ADGRL2: variants seen among roughly 807,000 people sequenced by gnomAD.
ADGRL2 encodes the protein calcium-independent alpha-latrotoxin receptor 2.
In ADGRL2, 44 loss-of-function variants were observed where a neutral mutation model predicts 157.4. The ratio of observed to expected loss-of-function variants is 0.28; its 90% CI spans 0.22 to 0.36. The LOEUF is 0.36. ADGRL2 is among the 10% of genes least tolerant of loss of function. The probability of loss-of-function intolerance (pLI) is 1.00; values close to 1 mark genes in which losing one functional copy is unlikely to be tolerated. For synonymous variants in ADGRL2, 585 were observed against 624.7 expected, an observed-to-expected ratio of 0.94 and a Z score of 0.95; for missense variants, 1,510 against 1,768.9, an observed-to-expected ratio of 0.85 and a Z score of 2.63.
At chr1:81,370,296 G>T (rs1417283636) in intron 1 of ADGRL2, among the ~76,000 whole-genome samples, 1 of 152,124 alleles carries the variant, frequency 6.6e-6, no homozygotes, top group Non-Finnish European at 1.5e-5. Flanking sequence ...GTAAAGAAAA[G>T]ATATAAAACT....
intron 2 of ADGRL2, among the ~76,000 whole-genome samples, chr1:81,903,465 A>G (rs1428764600): frequency 1.3e-5 from 2 of 152,022 alleles, no homozygotes; most frequent in Non-Finnish European, 2.9e-5. Flanking sequence ...AGCTCCCTGC[A>G]TGGGTTAGAA....
chr1:81,707,766 C>G (rs2083786460), intron 1 of ADGRL2, among the ~76,000 whole-genome samples: 1 of 152,076 alleles, frequency 6.6e-6, no homozygotes, highest in African/African-American at 2.4e-5. Context: ...TATTTTTGCC[C>G]TATTCGAATA....
intron 3 of ADGRL2, among the ~76,000 whole-genome samples, chr1:81,688,755 A>C (rs1345193950): frequency 6.6e-6 from 1 of 152,070 alleles, no homozygotes; most frequent in Non-Finnish European, 1.5e-5. Flanking sequence ...TTGTTTTGTC[A>C]TATTACCAGG....
intron 2 of ADGRL2, among the ~76,000 whole-genome samples, chr1:81,465,050 G>T (rs2078024532): frequency 6.6e-6 from 1 of 151,950 alleles, no homozygotes; most frequent in Non-Finnish European, 1.5e-5. Flanking sequence ...TGGTGGCATT[G>T]TCCAAGTGAT....
chr1:81,743,024 T>C (rs1250173166), intron 1 of ADGRL2, among the ~76,000 whole-genome samples: 3 of 152,040 alleles, frequency 2.0e-5, no homozygotes, highest in African/African-American at 7.2e-5. Context: ...TAGAGAATTT[T>C]TTTTTTAAGG....
At chr1:81,791,907 G>A (rs2087367407) in intron 2 of ADGRL2, among the ~76,000 whole-genome samples, 1 of 152,182 alleles carries the variant, frequency 6.6e-6, no homozygotes, top group Non-Finnish European at 1.5e-5. Context: ...TGAAGAAATA[G>A]TATATAGTTA....
intron 3 of ADGRL2, among the ~76,000 whole-genome samples, chr1:81,908,392 C>A (rs1180332508): frequency 6.6e-6 from 1 of 152,174 alleles, no homozygotes; most frequent in Non-Finnish European, 1.5e-5. Flanking sequence ...TAGTAATATG[C>A]TTTTACATTT....
At chr1:81,379,173 G>A (rs1356718738) in intron 1 of ADGRL2, among the ~76,000 whole-genome samples, 2 of 152,134 alleles carry the variant, frequency 1.3e-5, no homozygotes, top group Non-Finnish European at 2.9e-5. Flanking sequence ...ATTGAAATGG[G>A]AAATGTTCCC....
At chr1:81,660,455 T>C (rs1354466496) in intron 3 of ADGRL2, among the ~76,000 whole-genome samples, 2 of 152,130 alleles carry the variant, frequency 1.3e-5, no homozygotes, top group African/African-American at 4.8e-5. Flanking sequence ...ACCTTACCCT[T>C]ATTAGTGCTG....
chr1:81,390,467 C>A (rs1174064480), intron 1 of ADGRL2, among the ~76,000 whole-genome samples: 1 of 152,304 alleles, frequency 6.6e-6, no homozygotes, highest in Non-Finnish European at 1.5e-5. Flanking sequence ...AGATGTAATA[C>A]ATGTATAGAT....
chr1:81,956,880 C>G (rs1653662238), intron 11 of ADGRL2, among the ~76,000 whole-genome samples: 1 of 152,056 alleles, frequency 6.6e-6, no homozygotes, highest in African/African-American at 2.4e-5. Context: ...TGAAGACTTA[C>G]TATCTGGAAT....
intron 2 of ADGRL2, among the ~76,000 whole-genome samples, chr1:81,872,217 A>G (rs993815998): frequency 2.6e-5 from 4 of 152,060 alleles, no homozygotes; most frequent in Middle Eastern, 3.2e-3. Flanking sequence ...TGTTTTTGTC[A>G]GGTTTGTCAA....
At chr1:81,697,593 T>C (rs1376311047), upstream of ADGRL2, among the ~76,000 whole-genome samples, 1 of 152,212 alleles carries the variant, frequency 6.6e-6, no homozygotes, top group Non-Finnish European at 1.5e-5. Flanking sequence ...GCCGCTCAGA[T>C]GTCTTTTAAA....
chr1:81,367,612 C>A (rs11804023), intron 1 of ADGRL2, among the ~76,000 whole-genome samples: 4 of 151,896 alleles, frequency 2.6e-5, no homozygotes. Context: ...CAGGCTGGAG[C>A]GCAATGGCGT....
intron 2 of ADGRL2, among the ~76,000 whole-genome samples, chr1:81,903,714 A>ATT (rs2094529420): frequency 7.5e-6 from 1 of 133,654 alleles, no homozygotes; most frequent in African/African-American, 2.8e-5. Flanking sequence ...ATATATATTC[A>ATT]TTATATATAT....
At chr1:81,473,144 G>A (rs1295143749) in intron 2 of ADGRL2, among the ~76,000 whole-genome samples, 1 of 152,018 alleles carries the variant, frequency 6.6e-6, no homozygotes, top group Non-Finnish European at 1.5e-5. Flanking sequence ...GATGGAGAGT[G>A]GGTGGGAGGG....
intron 3 of ADGRL2, among the ~76,000 whole-genome samples, chr1:81,633,857 T>C (rs1030711532): frequency 3.3e-5 from 5 of 151,998 alleles, no homozygotes; most frequent in Admixed American, 1.3e-4. Flanking sequence ...AGGCTAAGGG[T>C]AAGGTCAACC....
chr1:81,914,216 T>A (rs964755701), intron 3 of ADGRL2, among the ~76,000 whole-genome samples: 2 of 152,184 alleles, frequency 1.3e-5, no homozygotes, highest in African/African-American at 4.8e-5. Flanking sequence ...AGAAGCTTTG[T>A]ATCCAAGTCA....
intron 1 of ADGRL2, among the ~76,000 whole-genome samples, chr1:81,404,046 T>G (rs1403625041): frequency 6.6e-6 from 1 of 152,140 alleles, no homozygotes; most frequent in Non-Finnish European, 1.5e-5. Flanking sequence ...TCCGTCCACC[T>G]CGGCCTCCCA....
Sources: gnomAD v4.1 joint callset for allele counts (sites outside exome capture counted in the v4.1 genomes callset) on GRCh38, gnomAD v4.1.1 for gene constraint, MANE v1.5 for transcripts, NCBI Gene and HGNC (gene_info 2026-07-23, HGNC 2026-07-21) for gene names.